Variants in ASTN1 observed in about 807,000 individuals in gnomAD.
ASTN1 encodes the protein astrotactin-1.
In ASTN1, 41 loss-of-function variants were observed where a neutral mutation model predicts 140.7. That is an observed-to-expected ratio of 0.29 (90% CI 0.23 to 0.38). The LOEUF (loss-of-function observed/expected upper bound fraction) is 0.38, where lower values mean the gene tolerates loss of function less well. Among genes scored for constraint, ASTN1 ranks in the 10% least tolerant of loss-of-function variants. The probability of loss-of-function intolerance (pLI) is 1.00; values close to 1 mark genes in which losing one functional copy is unlikely to be tolerated. For missense variants in ASTN1, 1,479 were observed against 1,678.8 expected, an observed-to-expected ratio of 0.88 and a Z score of 2.08; for synonymous variants, 640 against 652.2, an observed-to-expected ratio of 0.98 and a Z score of 0.29.
intron 1 of ASTN1, among the ~76,000 whole-genome samples, chr1:177,115,177 G>T (rs1681020060): frequency 6.6e-6 from 1 of 152,234 alleles, no homozygotes; most frequent in East Asian, 1.9e-4. Flanking sequence ...GTTGTGATTT[G>T]CTCTAGTCCA....
chr1:177,103,266 G>T (rs549538904), intron 1 of ASTN1, among the ~76,000 whole-genome samples: 1 of 152,280 alleles, frequency 6.6e-6, no homozygotes, highest in South Asian at 2.1e-4. Flanking sequence ...GCAAATAGAT[G>T]ATGTGAAGTT....
chr1:177,022,962 T>C (rs927569382), intron 7 of ASTN1, among the ~76,000 whole-genome samples: 1 of 152,192 alleles, frequency 6.6e-6, no homozygotes, highest in Non-Finnish European at 1.5e-5. Context: ...GTAAAGAGAC[T>C]GGAAGGGAGG....
At chr1:177,132,979 A>C (rs1412742169) in intron 1 of ASTN1, among the ~76,000 whole-genome samples, 1 of 152,074 alleles carries the variant, frequency 6.6e-6, no homozygotes, top group Admixed American at 6.6e-5. Flanking sequence ...GATTCTCCAG[A>C]AAAAGAATTC....
At chr1:176,968,772 G>T (rs1673003088) in intron 8 of ASTN1, among the ~76,000 whole-genome samples, 1 of 152,168 alleles carries the variant, frequency 6.6e-6, no homozygotes, top group African/African-American at 2.4e-5. Flanking sequence ...AGAGATTCCT[G>T]CCCTCAAAGG....
At chr1:177,107,154 A>G (rs1334324415) in intron 1 of ASTN1, among the ~76,000 whole-genome samples, 1 of 152,150 alleles carries the variant, frequency 6.6e-6, no homozygotes, top group Non-Finnish European at 1.5e-5. Flanking sequence ...GTTAGAAATG[A>G]AGAATCTCCC....
intron 22 of ASTN1, among the ~76,000 whole-genome samples, chr1:176,866,651 T>TA (rs1668135117): frequency 6.9e-6 from 1 of 145,024 alleles, no homozygotes; most frequent in African/African-American, 2.7e-5. Flanking sequence ...AGTGCTCACT[T>TA]TAAATAATAA....
At chr1:177,149,506 G>A in intron 1 of ASTN1, among the ~76,000 whole-genome samples, 2 of 56,414 alleles carry the variant, frequency 3.5e-5, no homozygotes, top group African/African-American at 1.9e-4. Context: ...TATATATATA[G>A]TAAATATATA....
At chr1:177,019,566 C>T (rs1235970407) in intron 7 of ASTN1, among the ~76,000 whole-genome samples, 1 of 152,190 alleles carries the variant, frequency 6.6e-6, no homozygotes, top group African/African-American at 2.4e-5. Flanking sequence ...ACCAGCCTAC[C>T]ATTTCTCAAG....
intron 18 of ASTN1, among the ~76,000 whole-genome samples, chr1:176,886,289 C>T (rs1669027740): frequency 6.6e-6 from 1 of 152,168 alleles, no homozygotes; most frequent in African/African-American, 2.4e-5. Context: ...CCAATTTAAT[C>T]TTTTGCAATA....
intron 1 of ASTN1, among the ~76,000 whole-genome samples, chr1:177,071,307 C>T (rs886653087): frequency 1.8e-4 from 28 of 152,308 alleles, no homozygotes; most frequent in African/African-American, 6.5e-4. Flanking sequence ...AGGCACTTAG[C>T]AAGGCACTCA....
chr1:176,892,078 G>A lies in ASTN1; in HGVS notation c.2940+2484C>T, dbSNP rs76834145. Among the ~76,000 whole-genome samples, 717 of 152,250 alleles carry A rather than the reference G, an allele frequency of 4.7e-3. 5 individuals are homozygous for A. Among genetic ancestry groups the A allele is most frequent in the African/African-American group, 0.015 (643 of 41,520 alleles). ...GCATGAGAAAAAATGTGTTTGGGGG[G>A]TAGAAAGAGTTAAATATTGGAGTGC... On this transcript the variant is annotated intron_variant, in intron 17 of 22. Transcript: ENST00000361833.
intron 8 of ASTN1, among the ~76,000 whole-genome samples, chr1:176,987,164 T>C (rs1370899189): frequency 1.7e-4 from 26 of 152,140 alleles, no homozygotes; most frequent in Non-Finnish European, 2.9e-5. Flanking sequence ...AGTGCTGAGG[T>C]TGAGAAACCC....
At chr1:176,987,080 A>C (rs1673942349) in intron 8 of ASTN1, among the ~76,000 whole-genome samples, 1 of 152,178 alleles carries the variant, frequency 6.6e-6, no homozygotes, top group African/African-American at 2.4e-5. Context: ...TGAGGGAGTC[A>C]GGGACACTGC....
intron 8 of ASTN1, among the ~76,000 whole-genome samples, chr1:177,014,263 G>A (rs1476413078): frequency 6.6e-6 from 1 of 152,154 alleles, no homozygotes; most frequent in Non-Finnish European, 1.5e-5. Context: ...TGTGTCTAGG[G>A]GAAAACAAAA....
intron 9 of ASTN1, among the ~76,000 whole-genome samples, chr1:176,961,110 A>G (rs527540521): frequency 1.3e-5 from 2 of 152,238 alleles, no homozygotes; most frequent in African/African-American, 4.8e-5. Flanking sequence ...CTCAATAAAT[A>G]TTTATTGACC....
intron 14 of ASTN1, among the ~76,000 whole-genome samples, chr1:176,941,529 G>C (rs1361578016): frequency 1.3e-5 from 2 of 152,276 alleles, no homozygotes; most frequent in African/African-American, 4.8e-5. Context: ...CAAATTAGGA[G>C]GTCCAATGGC....
chr1:177,164,399 A>C lies in ASTN1; in HGVS notation c.278T>G (p.Val93Gly), dbSNP rs774948294. The C allele has an allele frequency of 3.8e-6, 6 of 1,595,498 alleles. No individual in the cohort carries two copies. Among genetic ancestry groups the C allele is most frequent in the Non-Finnish European group, 5.1e-6 (6 of 1,169,564 alleles). ...CGACCTCCCCCGGGACTCACCCAGC[A>C]CGAAGTAGGGCAGCTCCGTGTTCTC... Reference protein sequence around the residue: ...DLENTELPYFVLEISGNTEDI... With the variant: ...DLENTELPYFGLEISGNTEDI... The change falls in exon 1 of 23, where the codon GTG (valine) becomes GGG (glycine). Residue 93 changes from valine (V) to glycine (G), a missense_variant. Val to Gly is a moderately radical substitution (Grantham distance 109). This residue lies in a region of ASTN1 where 729 missense variants were observed against 860.4 expected (regional missense o/e 0.85). Coordinates refer to ENST00000361833, the MANE Select transcript of ASTN1 (RefSeq NM_004319.3).
Position 176,878,648 on chromosome 1 carries a change from G to A in ASTN1, c.3363-2011C>T, listed in dbSNP as rs1216527550. 5.3e-5 allele frequency among the ~76,000 whole-genome samples: 8 copies of A among 151,462 alleles called. No homozygotes were observed. The East Asian group carries it at 1.6e-3, about 30-fold the overall frequency. On this transcript the variant is annotated intron_variant, in intron 20 of 22. Coordinates refer to ENST00000361833, the MANE Select transcript of ASTN1 (RefSeq NM_004319.3). Reference sequence around the variant, plus strand: ...CCGTGTAGAACTAGCTCTGTTCCTGGTTCAATCCCACAATCCAGTCCCAGG... The same window carrying A: ...CCGTGTAGAACTAGCTCTGTTCCTGATTCAATCCCACAATCCAGTCCCAGG...
chr1:177,152,714 C>T (rs1683090879), intron 1 of ASTN1, among the ~76,000 whole-genome samples: 2 of 152,020 alleles, frequency 1.3e-5, no homozygotes, highest in Non-Finnish European at 2.9e-5. Context: ...CTTCTTGTTA[C>T]ATTTTTAGAA....
Sources: allele counts gnomAD v4.1 joint callset (sites outside exome capture counted in the v4.1 genomes callset), GRCh38; gene constraint gnomAD v4.1.1; regional missense constraint gnomAD v4.1.1; transcripts MANE v1.5; gene names NCBI Gene and HGNC (gene_info 2026-07-23, HGNC 2026-07-21).